The following KMT5B variants were observed in gnomAD, a reference collection of about 807,000 sequenced individuals.
KMT5B encodes the protein histone-lysine N-methyltransferase KMT5B.
Under a neutral mutation model 83.2 loss-of-function variants are expected in KMT5B, and 10 were observed. That is an observed-to-expected ratio of 0.12 (90% CI 0.07 to 0.20). KMT5B has a LOEUF of 0.20. Ranked by LOEUF, KMT5B falls within the 10% of genes least tolerant of loss-of-function variation. The probability of loss-of-function intolerance (pLI) is 1.00; values close to 1 mark genes in which losing one functional copy is unlikely to be tolerated. For synonymous variants in KMT5B, 349 were observed against 388.8 expected (o/e 0.90, Z 1.20); for missense variants, 753 against 1,067.2 (o/e 0.71, Z 4.10).
chr11:68,164,379 T>C (rs1359891623), intron 10 of KMT5B, among the ~76,000 whole-genome samples: 2 of 152,172 alleles, frequency 1.3e-5, no homozygotes, highest in Non-Finnish European at 2.9e-5. Context: ...ACACAGCACA[T>C]GCACCCACCA....
chr11:68,181,948 C>A (rs1341317458), intron 3 of KMT5B, among the ~76,000 whole-genome samples: 1 of 152,202 alleles, frequency 6.6e-6, no homozygotes, highest in African/African-American at 2.4e-5. Flanking sequence ...ACCCAGGCTG[C>A]TCTAACCAGG....
At chr11:68,175,916 T>TG (rs1300307374) in intron 4 of KMT5B, among the ~76,000 whole-genome samples, 1 of 106,698 alleles carries the variant, frequency 9.4e-6, no homozygotes, top group East Asian at 3.9e-4. Context: ...GTAGAGTTGT[T>TG]TTTTTTTTTT....
chr11:68,190,598 G>A (rs1857927613), intron 1 of KMT5B, among the ~76,000 whole-genome samples: 1 of 152,088 alleles, frequency 6.6e-6, no homozygotes, highest in South Asian at 2.1e-4. Context: ...ACCCTGTGTG[G>A]GCTGAAGCTA....
At chr11:68,181,037 A>G (rs1037350538) in intron 3 of KMT5B, among the ~76,000 whole-genome samples, 34 of 152,058 alleles carry the variant, frequency 2.2e-4, no homozygotes, top group African/African-American at 8.0e-4. Context: ...CCAGTTTTGA[A>G]AATTCTCCAA....
chr11:68,202,799 G>A lies in KMT5B; in HGVS notation c.-77+10339C>T, dbSNP rs182211760. ...CTTGACCTCGTGATTTGCCCACCTC[G>A]GCCTCCCAAAGTACTGGGATTACAG... On this transcript the variant is annotated intron_variant, in intron 1 of 10. Transcript: ENST00000304363. Among the ~76,000 whole-genome samples, 376 of 151,992 alleles carry A rather than the reference G, an allele frequency of 2.5e-3. 1 individual carries two copies. The highest frequency in any genetic ancestry group is 8.3e-3 in the African/African-American group (345 of 41,458).
At chr11:68,198,566 G>A (rs1463842652) in intron 1 of KMT5B, among the ~76,000 whole-genome samples, 3 of 152,194 alleles carry the variant, frequency 2.0e-5, no homozygotes, top group Non-Finnish European at 2.9e-5. Context: ...AAACACACAA[G>A]GGTGCAGACT....
chr11:68,200,492 G>A (rs1028183818), intron 1 of KMT5B, among the ~76,000 whole-genome samples: 3 of 152,214 alleles, frequency 2.0e-5, no homozygotes, highest in African/African-American at 7.2e-5. Context: ...CTTAAAACAC[G>A]CACTTGTGAG....
At chr11:68,207,509 C>T (rs531925754) in intron 1 of KMT5B, among the ~76,000 whole-genome samples, 3 of 151,472 alleles carry the variant, frequency 2.0e-5, no homozygotes, top group East Asian at 3.9e-4. Context: ...AAAAGCAACA[C>T]AGGCCAGGCA....
At chr11:68,174,314 T>C in intron 5 of KMT5B, 1 of 336,050 alleles carries the variant, frequency 3.0e-6, no homozygotes, top group African/African-American at 2.2e-5. Context: ...TTTTGCAATA[T>C]TTGCATTACA....
intron 1 of KMT5B, among the ~76,000 whole-genome samples, chr11:68,198,457 C>T (rs367899237): frequency 1.1e-5 from 1 of 87,784 alleles, no homozygotes; most frequent in African/African-American, 7.6e-5. Context: ...CAAGACAAGA[C>T]AAGACAAGAC....
chr11:68,167,315 C>G, intron 9 of KMT5B, 137 bp from the exon 10 acceptor site: 1 of 953,866 alleles, frequency 1.0e-6, no homozygotes, highest in Non-Finnish European at 1.5e-6. Flanking sequence ...AAACCGAAGA[C>G]TAGAACTCAC....
rs566376647 is a variant in KMT5B, at chr11:68,174,141, G to T, written c.544-228C>A. 2.8e-5 allele frequency: 17 copies of T among 599,558 alleles called. No homozygotes were observed. The African/African-American group carries it at 2.9e-4, about 10-fold the overall frequency. The allele number at this position is 599,558 out of a possible 1,614,324, so 37.1% of individuals were successfully genotyped here. A position where few individuals can be genotyped will look rare whatever the true frequency, so the allele number is the denominator to read the frequency against. Reference sequence around the variant, plus strand: ...GAGGAAGAATCACTTGAGCCCAAGAGATGGAAGCTGCAGTGAGCCATAATC... The same window carrying T: ...GAGGAAGAATCACTTGAGCCCAAGATATGGAAGCTGCAGTGAGCCATAATC... On this transcript the variant is annotated intron_variant, in intron 5 of 10. Coordinates refer to ENST00000304363, the MANE Select transcript of KMT5B (RefSeq NM_017635.5).
At chr11:68,182,432 T>C (rs139524063) in intron 3 of KMT5B, among the ~76,000 whole-genome samples, 121 of 152,330 alleles carry the variant, frequency 7.9e-4, no homozygotes, top group African/African-American at 2.8e-3. Flanking sequence ...AGCAATGGTA[T>C]AGGAGGACTT....
At chr11:68,208,101 T>A (rs1860392903) in intron 1 of KMT5B, among the ~76,000 whole-genome samples, 1 of 148,684 alleles carries the variant, frequency 6.7e-6, no homozygotes, top group African/African-American at 2.5e-5. Flanking sequence ...CCTCCCAAAG[T>A]GCTGAGGTTA....
chr11:68,179,425 T>C (rs1183683759), intron 4 of KMT5B: 2 of 1,295,746 alleles, frequency 1.5e-6, no homozygotes, highest in Non-Finnish European at 1.0e-6. Context: ...TTGATTATTA[T>C]TAAAGGGGCA....
rs1373420379 is a variant in KMT5B at position 68,166,272 on chromosome 11, G to A, written c.1174+710C>T. ...GGATGTGCTTTCCTTTGCCCATTTAGGGTTTCTTCTCTTTCCTTTCTCTTT... is the reference window on the plus strand; with the variant it reads ...GGATGTGCTTTCCTTTGCCCATTTAAGGTTTCTTCTCTTTCCTTTCTCTTT... On this transcript the variant is annotated intron_variant, in intron 10 of 10. Transcript: ENST00000304363. 17 of 1,127,836 alleles carry A rather than the reference G, an allele frequency of 1.5e-5. No individual in the cohort carries two copies. The South Asian group carries it at 4.2e-4, about 28-fold the overall frequency. 69.9% of individuals were successfully genotyped at this position (1,127,836 alleles called of 1,614,324 possible).
chr11:68,160,087 G>A (rs375894126), intron 10 of KMT5B, among the ~76,000 whole-genome samples: 6 of 152,214 alleles, frequency 3.9e-5, no homozygotes, highest in African/African-American at 1.4e-4. Flanking sequence ...GAACTACTAG[G>A]TAGAAAATAT....
chr11:68,213,509 C>T (rs1489249483), upstream of KMT5B: 13 of 151,260 alleles, frequency 8.6e-5, no homozygotes, highest in Non-Finnish European at 1.3e-4. Context: ...GTACGAAAAC[C>T]GTCCGCCGGC....
chr11:68,172,202 T>A (rs185799343), intron 6 of KMT5B, among the ~76,000 whole-genome samples: 142 of 152,258 alleles, frequency 9.3e-4, no homozygotes, highest in Non-Finnish European at 9.9e-4. Flanking sequence ...GAAAGTTAAG[T>A]GAATATAGGT....
Sources: allele counts gnomAD v4.1 joint callset (sites outside exome capture counted in the v4.1 genomes callset), GRCh38; gene constraint gnomAD v4.1.1; transcripts MANE v1.5; gene names NCBI Gene and HGNC (gene_info 2026-07-23, HGNC 2026-07-21).